The following TTLL7 variants were observed in gnomAD, a reference collection of about 807,000 sequenced individuals.
The protein encoded by TTLL7 is tubulin polyglutamylase TTLL7.
TTLL7 carries 53 observed loss-of-function variants against 120.2 expected under a neutral mutation model. The ratio of observed to expected loss-of-function variants is 0.44; its 90% confidence interval spans 0.35 to 0.55. The LOEUF is 0.55. Among genes scored for constraint, TTLL7 ranks in the 20% least tolerant of loss-of-function variants. The pLI is 0.00. For synonymous variants in TTLL7, 353 were observed against 351.7 expected (o/e 1.00, Z -0.04); for missense variants, 803 against 1,054.7 (o/e 0.76, Z 3.31).
Position 83,951,988 on chromosome 1 carries a change from T to A in TTLL7, c.26-12A>T, listed in dbSNP as rs757639466. On this transcript the variant is annotated splice_polypyrimidine_tract_variant and intron_variant, in intron 2 of 20. Transcript: ENST00000260505. ...GGGTCCCTGAATAACTTTAAAAAAA[T>A]GTAAAATAATCAGATAACACTGAAA... 5.6e-6 allele frequency: 9 copies of A among 1,598,604 alleles called. No individual in the cohort carries two copies. The highest frequency in any genetic ancestry group is 2.2e-5 in the East Asian group (1 of 44,646).
At chr1:83,903,669 A>G (rs1656929365) in intron 18 of TTLL7, among the ~76,000 whole-genome samples, 1 of 152,014 alleles carries the variant, frequency 6.6e-6, no homozygotes, top group African/African-American at 2.4e-5. Context: ...ACACTGTTGT[A>G]TTGTTTAGGG....
At chr1:83,950,299 C>G (rs367657793) in intron 3 of TTLL7, among the ~76,000 whole-genome samples, 1 of 152,118 alleles carries the variant, frequency 6.6e-6, no homozygotes, top group East Asian at 1.9e-4. Context: ...TGAGACAATA[C>G]GTCTACTCAG....
chr1:83,970,788 G>A (rs763711776), intron 1 of TTLL7, among the ~76,000 whole-genome samples: 1 of 152,040 alleles, frequency 6.6e-6, no homozygotes, highest in Admixed American at 6.6e-5. Flanking sequence ...GGGGAGCAGG[G>A]AAGCAAGACA....
At chr1:83,926,188 T>C (rs1659101311) in intron 10 of TTLL7, among the ~76,000 whole-genome samples, 1 of 151,814 alleles carries the variant, frequency 6.6e-6, no homozygotes, top group Admixed American at 6.6e-5. Context: ...GTATTTGATA[T>C]TGTTAGCAGA....
intron 9 of TTLL7, among the ~76,000 whole-genome samples, chr1:83,933,246 C>T (rs566212477): frequency 6.6e-6 from 1 of 152,220 alleles, no homozygotes; most frequent in East Asian, 1.9e-4. Context: ...TCCTGAAGCC[C>T]AGGCACTCAC....
At chr1:83,922,670 C>A (rs1658781906) in intron 10 of TTLL7, among the ~76,000 whole-genome samples, 1 of 140,180 alleles carries the variant, frequency 7.1e-6, no homozygotes, top group Non-Finnish European at 1.6e-5. Context: ...GCAAGAAACT[C>A]AGCTTCTCAC....
At chr1:83,967,249 T>C (rs542894477) in intron 1 of TTLL7, among the ~76,000 whole-genome samples, 2 of 152,200 alleles carry the variant, frequency 1.3e-5, no homozygotes, top group East Asian at 3.9e-4. Context: ...GTTAATTGGC[T>C]ATCAAAATTT....
chr1:83,921,475 G>T, intron 10 of TTLL7, 81 bp from the exon 11 acceptor site: 1 of 1,467,370 alleles, frequency 6.8e-7, no homozygotes, highest in Admixed American at 2.1e-5. Flanking sequence ...TTGCAGAACA[G>T]GAGACATAGT....
At chr1:83,886,805 C>G (rs893428896) in intron 19 of TTLL7, among the ~76,000 whole-genome samples, 9 of 151,982 alleles carry the variant, frequency 5.9e-5, no homozygotes, top group African/African-American at 2.2e-4. Flanking sequence ...TCCTTTAACT[C>G]TCACCTGAAA....
chr1:83,906,992 G>C (rs769950808), intron 16 of TTLL7, among the ~76,000 whole-genome samples: 1 of 152,080 alleles, frequency 6.6e-6, no homozygotes, highest in African/African-American at 2.4e-5. Context: ...ATGCTAACAA[G>C]GGAATACTAT....
At chr1:83,996,608 T>G (rs1395447253) in intron 1 of TTLL7, among the ~76,000 whole-genome samples, 5 of 152,328 alleles carry the variant, frequency 3.3e-5, no homozygotes, top group African/African-American at 9.6e-5. Flanking sequence ...TGCACCACCC[T>G]TTTCTGGTAT....
chr1:83,995,157 T>C (rs1653367834), intron 1 of TTLL7, among the ~76,000 whole-genome samples: 1 of 152,156 alleles, frequency 6.6e-6, no homozygotes. Context: ...TGAAAGACTA[T>C]AATCTGAGGA....
intron 1 of TTLL7, among the ~76,000 whole-genome samples, chr1:83,966,835 T>C (rs1327087177): frequency 3.3e-5 from 5 of 152,036 alleles, no homozygotes; most frequent in Admixed American, 3.3e-4. Context: ...GCAGAATCCA[T>C]GTCAGAAGCT....
At chr1:83,906,525 T>G (rs1238001694) in intron 16 of TTLL7, 62 bp from the exon 17 acceptor site, 1 of 1,604,040 alleles carries the variant, frequency 6.2e-7, no homozygotes, top group Admixed American at 1.7e-5. Context: ...CAGTATAATC[T>G]GAAAGATATT....
At chr1:83,950,476 A>C (rs1648941729) in intron 3 of TTLL7, among the ~76,000 whole-genome samples, 1 of 152,202 alleles carries the variant, frequency 6.6e-6, no homozygotes, top group South Asian at 2.1e-4. Flanking sequence ...AGGACGTGAA[A>C]TAATGAAGCA....
At chr1:83,878,781 AC>A (rs1654186859) in intron 20 of TTLL7, among the ~76,000 whole-genome samples, 1 of 151,922 alleles carries the variant, frequency 6.6e-6, no homozygotes, top group Non-Finnish European at 1.5e-5. Context: ...AAAGGTAGAA[AC>A]CCAAAAATGT....
At chr1:83,974,210 T>C (rs1389046909) in intron 1 of TTLL7, among the ~76,000 whole-genome samples, 2 of 151,992 alleles carry the variant, frequency 1.3e-5, no homozygotes, top group Non-Finnish European at 2.9e-5. Context: ...GGGAAAAATG[T>C]TATTTGAATG....
chr1:83,962,471 A>G (rs1238962820), intron 1 of TTLL7, among the ~76,000 whole-genome samples: 1 of 152,068 alleles, frequency 6.6e-6, no homozygotes, highest in African/African-American at 2.4e-5. Context: ...TGTAACATTC[A>G]CTGAATTCTT....
chr1:83,932,441 T>A (rs1035363616), intron 9 of TTLL7, among the ~76,000 whole-genome samples: 18 of 152,136 alleles, frequency 1.2e-4, no homozygotes, highest in African/African-American at 4.3e-4. Flanking sequence ...TAAAACTTCC[T>A]CACATTTATC....
Sources: gnomAD v4.1 joint callset for allele counts (sites outside exome capture counted in the v4.1 genomes callset) on GRCh38, gnomAD v4.1.1 for gene constraint, MANE v1.5 for transcripts, NCBI Gene and HGNC (gene_info 2026-07-23, HGNC 2026-07-21) for gene names.